Variants in C2orf69 observed in about 807,000 individuals in gnomAD.
C2orf69 encodes the protein chromosome 2 open reading frame 69.
A neutral mutation model predicts 29.5 loss-of-function variants in C2orf69; 19 were observed. The ratio of observed to expected loss-of-function variants is 0.65; its 90% CI spans 0.45 to 0.95. The LOEUF (loss-of-function observed/expected upper bound fraction) is 0.95. Ranked by LOEUF, C2orf69 falls within the 40% of genes least tolerant of loss-of-function variation. The probability of loss-of-function intolerance (pLI) is 0.00; values close to 1 mark genes in which losing one functional copy is unlikely to be tolerated. For missense variants in C2orf69, 416 were observed against 482.1 expected (o/e 0.86, Z 1.28); for synonymous variants, 194 against 180.0 (o/e 1.08, Z -0.62).
At chr2:199,921,001 GTTT>G (rs71019096) in intron 1 of C2orf69, among the ~76,000 whole-genome samples, 7 of 67,034 alleles carry the variant, frequency 1.0e-4, no homozygotes, top group African/African-American at 3.5e-4. Context: ...CTAGGAATTA[GTTT>G]TTTTTTTTTT....
chr2:199,919,763 A>G (rs2077306827), intron 1 of C2orf69, among the ~76,000 whole-genome samples: 1 of 152,186 alleles, frequency 6.6e-6, no homozygotes, highest in African/African-American at 2.4e-5. Context: ...TCCCACCTCT[A>G]ATCATAGTTG....
At chr2:199,918,370 A>G (rs892669155) in intron 1 of C2orf69, among the ~76,000 whole-genome samples, 1 of 151,894 alleles carries the variant, frequency 6.6e-6, no homozygotes, top group Non-Finnish European at 1.5e-5. Flanking sequence ...ATTTATTATC[A>G]TTATATTTTC....
At position 199,926,455 on chromosome 2, in the gene C2orf69, C is replaced by T. The variant is rs2077335410; in HGVS notation, c.*569C>T. Reference sequence around the variant, plus strand: ...CAACATATATTTGTTTCCAAATGTCCACAAGTGTACAATAGTGTAAAGGTG... The same window carrying T: ...CAACATATATTTGTTTCCAAATGTCTACAAGTGTACAATAGTGTAAAGGTG... On this transcript the variant is annotated 3_prime_UTR_variant, in exon 2 of 2. Coordinates refer to ENST00000319974, the MANE Select transcript of C2orf69 (RefSeq NM_153689.6). 2 of 154,652 alleles carry T rather than the reference C, an allele frequency of 1.3e-5. No individual in the cohort carries two copies. The highest frequency in any genetic ancestry group is 2.9e-5 in the Non-Finnish European group (2 of 69,622). The allele number at this position is 154,652 out of a possible 1,614,324, so 9.6% of individuals were successfully genotyped here.
rs12104958 is a variant in C2orf69, at chr2:199,918,683, C to A, written c.334-6379C>A. ...GGCCCTTGTATTTTAAGTAAGAGTA[C>A]AATTTTGTGAATTTTGACAAGTGTT... is the stretch of plus-strand genomic sequence containing the variant. On this transcript the variant is annotated intron_variant, in intron 1 of 1. Transcript: ENST00000319974. Among the ~76,000 whole-genome samples the A allele has an allele frequency of 4.3e-3, 656 of 151,684 alleles. 2 individuals carry two copies. Among genetic ancestry groups the A allele is most frequent in the African/African-American group, 0.015 (627 of 41,348 alleles).
intron 1 of C2orf69, among the ~76,000 whole-genome samples, chr2:199,923,390 A>G (rs1021358743): frequency 6.6e-6 from 1 of 152,232 alleles, no homozygotes; most frequent in Non-Finnish European, 1.5e-5. Context: ...AACTAAATTT[A>G]ATAGAGGAAC....
chr2:199,913,072 TATAG>T (rs1020363535), intron 1 of C2orf69, among the ~76,000 whole-genome samples: 4 of 146,048 alleles, frequency 2.7e-5, no homozygotes, highest in Non-Finnish European at 5.9e-5. Context: ...TAGATATAGA[TATAG>T]ATATTCTCTT....
At chr2:199,912,874 C>G (rs2077271854) in intron 1 of C2orf69, among the ~76,000 whole-genome samples, 1 of 151,948 alleles carries the variant, frequency 6.6e-6, no homozygotes, top group Non-Finnish European at 1.5e-5. Flanking sequence ...CTTCTGACTT[C>G]AAGTGATCTG....
At chr2:199,913,874 A>C (rs1404032290) in intron 1 of C2orf69, among the ~76,000 whole-genome samples, 1 of 152,108 alleles carries the variant, frequency 6.6e-6, no homozygotes, top group Non-Finnish European at 1.5e-5. Flanking sequence ...GCCAGCCAGG[A>C]TATATAGTAC....
At position 199,925,019 on chromosome 2, in the gene C2orf69, TA is replaced by T; in HGVS notation, c.334-40del. On this transcript the variant is annotated intron_variant, in intron 1 of 1. Coordinates refer to ENST00000319974, the MANE Select transcript of C2orf69 (RefSeq NM_153689.6). The surrounding 1 kb of genome is among the most constrained non-coding windows in gnomAD (Gnocchi z 4.9). ...CTTATTTTGTGGAAATCATTTTATG[TA>T]AATATGTATTTAATACTTATTTCAT... The T allele has an allele frequency of 8.6e-7, 1 of 1,159,160 alleles. No individual in the cohort carries two copies. The highest frequency in any genetic ancestry group is 1.2e-6 in the Non-Finnish European group (1 of 811,284). The allele number at this position is 1,159,160 out of a possible 1,614,324, so 71.8% of individuals were successfully genotyped here.
Position 199,911,355 on chromosome 2 carries a change from C to G in C2orf69, c.-84C>G. The G allele has an allele frequency of 7.3e-7, 1 of 1,367,294 alleles. No homozygotes were observed. The highest frequency in any genetic ancestry group is 9.4e-7 in the Non-Finnish European group (1 of 1,065,526). 84.7% of individuals were successfully genotyped at this position (1,367,294 alleles called of 1,614,324 possible). ...GCCGCGGCCGCCGACCGTTGAGCCG[C>G]CGGCTGAGCCGCCTGCTGAAGTCCC... On this transcript the variant is annotated 5_prime_UTR_variant, in exon 1 of 2. Coordinates refer to ENST00000319974, the MANE Select transcript of C2orf69 (RefSeq NM_153689.6).
At position 199,916,223 on chromosome 2, in the gene C2orf69, C is replaced by T. The variant is rs1042809628; in HGVS notation, c.333+4452C>T. On this transcript the variant is annotated intron_variant, in intron 1 of 1. Coordinates refer to ENST00000319974, the MANE Select transcript of C2orf69 (RefSeq NM_153689.6). ...GAAGGTGGGGAGGCCCCTTGTAAAA[C>T]CATCTCATGAGAACTCACTCAGTAT... is the stretch of plus-strand genomic sequence containing the variant. Among the ~76,000 whole-genome samples, 6 of 152,244 alleles carry T rather than the reference C, an allele frequency of 3.9e-5. No homozygotes were observed. In the South Asian group the frequency reaches 1.2e-3, roughly 32 times the overall value.
chr2:199,916,224 C>T (rs904301607), intron 1 of C2orf69, among the ~76,000 whole-genome samples: 21 of 152,152 alleles, frequency 1.4e-4, no homozygotes, highest in African/African-American at 5.1e-4. Flanking sequence ...CTTGTAAAAC[C>T]ATCTCATGAG....
chr2:199,911,667 G>T lies in C2orf69; in HGVS notation c.229G>T (p.Ala77Ser). The T allele has an allele frequency of 6.5e-7, 1 of 1,548,128 alleles. No homozygotes were observed. The highest frequency in any genetic ancestry group is 8.7e-7 in the Non-Finnish European group (1 of 1,146,732). ...CAACGAATTGCTCCTGTTGGCGGCG[G>T]CCGGGGAGGGACTGGAGCGGCAGGA... is the stretch of plus-strand genomic sequence containing the variant. ...RSNELLLLAA[A>S]GEGLERQDLP... is the part of the protein sequence containing the mutation. The change falls in exon 1 of 2, where the codon GCC (alanine) becomes TCC (serine). Residue 77 changes from alanine to serine, a missense_variant. By Grantham distance (99) the Ala-to-Ser change is moderately conservative. This residue lies in a region of C2orf69 where 175 missense variants were observed against 139.9 expected (regional missense o/e 1.25). Transcript: ENST00000319974.
At chr2:199,911,793 T>C in intron 1 of C2orf69, 22 bp downstream of exon 1, 2 of 1,536,934 alleles carry the variant, frequency 1.3e-6, no homozygotes, top group African/African-American at 2.7e-5. Context: ...CCTGCCTGGG[T>C]ATCTGTTCCT....
chr2:199,921,012 T>TG (rs2077313830), intron 1 of C2orf69, among the ~76,000 whole-genome samples: 1 of 130,268 alleles, frequency 7.7e-6, no homozygotes, highest in African/African-American at 2.8e-5. Context: ...TTTTTTTTTT[T>TG]TTTTTTTTTT....
chr2:199,913,414 A>AAC (rs2077280729), intron 1 of C2orf69, among the ~76,000 whole-genome samples: 4 of 96,006 alleles, frequency 4.2e-5, no homozygotes, highest in Non-Finnish European at 5.8e-5. Flanking sequence ...TATAATATAT[A>AAC]TTCTATTATA....
intron 1 of C2orf69, among the ~76,000 whole-genome samples, chr2:199,920,030 C>A (rs1050220717): frequency 5.3e-5 from 8 of 152,184 alleles, no homozygotes; most frequent in African/African-American, 1.9e-4. Context: ...TCAAGAGATT[C>A]TCTTGTGGCC....
At chr2:199,912,282 A>G (rs1486702047) in intron 1 of C2orf69, among the ~76,000 whole-genome samples, 2 of 152,218 alleles carry the variant, frequency 1.3e-5, no homozygotes, top group East Asian at 3.8e-4. Context: ...ATAATTATTA[A>G]GCATGTCAAT....
At chr2:199,914,705 T>A (rs1223620221) in intron 1 of C2orf69, among the ~76,000 whole-genome samples, 1 of 152,162 alleles carries the variant, frequency 6.6e-6, no homozygotes, top group Non-Finnish European at 1.5e-5. Context: ...CCTCTCTGGC[T>A]TTCTTGGTGT....
Sources: allele counts gnomAD v4.1 joint callset (sites outside exome capture counted in the v4.1 genomes callset), GRCh38; gene constraint gnomAD v4.1.1; regional missense constraint gnomAD v4.1.1; non-coding constraint Gnocchi (gnomAD v3.1); transcripts MANE v1.5; gene names NCBI Gene and HGNC (gene_info 2026-07-23, HGNC 2026-07-21).